CDKAL1: variants seen among roughly 807,000 people sequenced by gnomAD.
CDKAL1 encodes the protein threonylcarbamoyladenosine tRNA methylthiotransferase.
In CDKAL1, 32 loss-of-function variants were observed where a neutral mutation model predicts 68.2. The observed-to-expected ratio is 0.47, with a 90% confidence interval of 0.35 to 0.63. CDKAL1 has a LOEUF of 0.63. Among genes scored for constraint, CDKAL1 ranks in the 30% least tolerant of loss-of-function variants. The pLI is 0.00. For missense variants in CDKAL1, 606 were observed against 696.7 expected (o/e 0.87, Z 1.47); for synonymous variants, 234 against 244.3 (o/e 0.96, Z 0.39).
At chr6:21,127,765 G>T (rs1050926170) in intron 13 of CDKAL1, among the ~76,000 whole-genome samples, 49 of 152,210 alleles carry the variant, frequency 3.2e-4, no homozygotes, top group Middle Eastern at 3.4e-3. Flanking sequence ...TAAAAGGAAG[G>T]GAGGGAGAGA....
chr6:20,874,450 C>G (rs1581740980), intron 9 of CDKAL1, among the ~76,000 whole-genome samples: 1 of 151,950 alleles, frequency 6.6e-6, no homozygotes, highest in African/African-American at 2.4e-5. Flanking sequence ...ATTACAGGTG[C>G]CCGCCACCAC....
At chr6:20,773,729 G>A (rs1667436125) in intron 7 of CDKAL1, among the ~76,000 whole-genome samples, 1 of 151,948 alleles carries the variant, frequency 6.6e-6, no homozygotes, top group Non-Finnish European at 1.5e-5. Context: ...TTTATTTTTA[G>A]TAGAGATGGG....
At chr6:21,197,341 G>C (rs1348981764) in intron 13 of CDKAL1, among the ~76,000 whole-genome samples, 1 of 152,036 alleles carries the variant, frequency 6.6e-6, no homozygotes, top group Non-Finnish European at 1.5e-5. Context: ...TCAATTCTGT[G>C]GAAAATTAGC....
At chr6:21,135,706 AGG>A in intron 13 of CDKAL1, 1 of 984,846 alleles carries the variant, frequency 1.0e-6, no homozygotes, top group Non-Finnish European at 1.2e-6. Flanking sequence ...AAGCTGGGAC[AGG>A]ACTGAAAGGG....
At chr6:20,934,057 A>T (rs1366615105) in intron 9 of CDKAL1, among the ~76,000 whole-genome samples, 1 of 152,176 alleles carries the variant, frequency 6.6e-6, no homozygotes, top group African/African-American at 2.4e-5. Context: ...AAGGGATTCA[A>T]AATAGATTTC....
chr6:21,145,856 C>T (rs1042174760), intron 13 of CDKAL1, among the ~76,000 whole-genome samples: 8 of 152,124 alleles, frequency 5.3e-5, no homozygotes, highest in Non-Finnish European at 1.0e-4. Context: ...ACTATGATCA[C>T]GCCACTGCAT....
intron 9 of CDKAL1, among the ~76,000 whole-genome samples, chr6:20,889,798 C>T (rs563214629): frequency 2.0e-5 from 3 of 152,264 alleles, no homozygotes; most frequent in Admixed American, 2.0e-4. Context: ...AGTGTGATGC[C>T]TCCAGCTTTG....
intron 4 of CDKAL1, among the ~76,000 whole-genome samples, chr6:20,594,424 T>C (rs1765729119): frequency 6.6e-6 from 1 of 152,226 alleles, no homozygotes; most frequent in Non-Finnish European, 1.5e-5. Context: ...CCTTTACCAT[T>C]ATGTAATGCC....
At chr6:20,537,927 C>T (rs1328183377) in intron 2 of CDKAL1, among the ~76,000 whole-genome samples, 1 of 152,114 alleles carries the variant, frequency 6.6e-6, no homozygotes, top group Non-Finnish European at 1.5e-5. Context: ...AAACCTTTAG[C>T]TTATTAATAG....
chr6:20,623,481 A>G (rs1767286636), intron 4 of CDKAL1, among the ~76,000 whole-genome samples: 1 of 152,118 alleles, frequency 6.6e-6, no homozygotes, highest in African/African-American at 2.4e-5. Flanking sequence ...TTTACAATAC[A>G]CTTTCCCAAA....
intron 15 of CDKAL1, among the ~76,000 whole-genome samples, chr6:21,203,393 C>T (rs143009143): frequency 0.017 from 2,618 of 151,492 alleles, 36 homozygotes; most frequent in Non-Finnish European, 0.026. Context: ...TGTGCCACTA[C>T]GCCCGGCTAA....
At chr6:20,698,681 C>G (rs1771211346) in intron 5 of CDKAL1, among the ~76,000 whole-genome samples, 1 of 152,094 alleles carries the variant, frequency 6.6e-6, no homozygotes, top group Non-Finnish European at 1.5e-5. Flanking sequence ...CACAGCATAT[C>G]AGGGATACCT....
At chr6:20,680,286 C>T (rs577506289) in intron 5 of CDKAL1, among the ~76,000 whole-genome samples, 28 of 152,220 alleles carry the variant, frequency 1.8e-4, no homozygotes, top group East Asian at 1.4e-3. Context: ...AGGCTGGTCT[C>T]GAACTCCTGG....
In CDKAL1 at chr6:20,646,388, T is replaced by A. The variant is rs551613548; in HGVS notation, c.287-2905T>A. ...TCTTTCTTCTTCCTTTTTTTTTTTT[T>A]AAATAAGTAGAAGGAGTACATTAAA... On this transcript the variant is annotated intron_variant, in intron 4 of 15. Transcript: ENST00000274695. Among the ~76,000 whole-genome samples the A allele has an allele frequency of 1.9e-4, 29 of 151,278 alleles. No individual in the cohort carries two copies. The South Asian group carries it at 4.2e-3, about 22-fold the overall frequency.
chr6:20,974,346 A>G (rs550121967), intron 10 of CDKAL1, among the ~76,000 whole-genome samples: 1 of 152,166 alleles, frequency 6.6e-6, no homozygotes, highest in Non-Finnish European at 1.5e-5. Flanking sequence ...TGAGCAATTA[A>G]TCTCCAGCTT....
At chr6:20,728,960 A>G (rs1346195541) in intron 5 of CDKAL1, among the ~76,000 whole-genome samples, 4 of 152,146 alleles carry the variant, frequency 2.6e-5, no homozygotes, top group African/African-American at 9.7e-5. Context: ...TGAAAGGTAT[A>G]TGAATTAAAG....
intron 6 of CDKAL1, among the ~76,000 whole-genome samples, chr6:20,750,951 G>GAAAAAAAA (rs59244637): frequency 2.3e-4 from 11 of 47,082 alleles, no homozygotes; most frequent in African/African-American, 6.8e-4. Flanking sequence ...GCAACAGAGT[G>GAAAAAAAA]AAAAAAAAAA....
chr6:20,651,780 AT>A (rs1768782220), intron 5 of CDKAL1, among the ~76,000 whole-genome samples: 1 of 152,126 alleles, frequency 6.6e-6, no homozygotes, highest in Non-Finnish European at 1.5e-5. Context: ...GTTGAATTTT[AT>A]TGAAGACCTT....
chr6:20,792,294 T>C (rs1170394416), intron 8 of CDKAL1, among the ~76,000 whole-genome samples: 1 of 152,242 alleles, frequency 6.6e-6, no homozygotes, highest in Non-Finnish European at 1.5e-5. Context: ...TATTTTTTGG[T>C]AAATCCACTA....
Sources: allele counts gnomAD v4.1 joint callset (sites outside exome capture counted in the v4.1 genomes callset), GRCh38; gene constraint gnomAD v4.1.1; transcripts MANE v1.5; gene names NCBI Gene and HGNC (gene_info 2026-07-23, HGNC 2026-07-21).